MTMR14: variants seen among roughly 807,000 people sequenced by gnomAD.
The protein encoded by MTMR14 is myotubularin related protein 14.
MTMR14 carries 48 observed loss-of-function variants against 86.3 expected under a neutral mutation model. The ratio of observed to expected loss-of-function variants is 0.56; its 90% confidence interval spans 0.44 to 0.71. The LOEUF (loss-of-function observed/expected upper bound fraction) is 0.71, where lower values mean the gene tolerates loss of function less well. MTMR14 is among the 30% of genes least tolerant of loss of function. MTMR14 has a pLI of 0.00. For missense variants in MTMR14, 780 were observed against 834.6 expected (o/e 0.93, Z 0.81); for synonymous variants, 366 against 326.1 (o/e 1.12, Z -1.32).
At chr3:9,668,621 T>TA in intron 3 of MTMR14, 98 bp from the exon 4 acceptor site, 22 of 1,311,578 alleles carry the variant, frequency 1.7e-5, no homozygotes, top group Non-Finnish European at 2.3e-5. Context: ...CTGGGCCCGT[T>TA]ATGCTGGCCT....
intron 14 of MTMR14, 134 bp downstream of exon 14, chr3:9,688,025 C>T (rs560708913): frequency 3.2e-5 from 25 of 784,130 alleles, no homozygotes; most frequent in Middle Eastern, 3.5e-4. Context: ...CTCCTGCCTT[C>T]GCTCTGAGGC....
chr3:9,661,161 A>G (rs769984507), intron 2 of MTMR14, among the ~76,000 whole-genome samples: 1 of 152,226 alleles, frequency 6.6e-6, no homozygotes, highest in African/African-American at 2.4e-5. Flanking sequence ...GTGAAAGCAG[A>G]GGCCTAGAGC....
chr3:9,677,469 G>A lies in MTMR14; in HGVS notation c.822+82G>A, dbSNP rs2075621288. 99 of 1,258,242 alleles carry A rather than the reference G, an allele frequency of 7.9e-5. No homozygotes were observed. In the South Asian group the frequency reaches 1.2e-3, roughly 15 times the overall value. The allele number at this position is 1,258,242 out of a possible 1,614,324, so 77.9% of individuals were successfully genotyped here. On this transcript the variant is annotated intron_variant, in intron 8 of 18. Transcript: ENST00000296003. The surrounding 1 kb of genome is among the most constrained non-coding windows in gnomAD (Gnocchi z 4.2). ...AGGAGAACAACAAGCAGTCTTTGGG[G>A]AAAACAACAAGCAGTCTTTGGGGAA...
chr3:9,658,691 T>C (rs960068613), intron 2 of MTMR14, among the ~76,000 whole-genome samples: 1 of 152,186 alleles, frequency 6.6e-6, no homozygotes, highest in Non-Finnish European at 1.5e-5. Flanking sequence ...ATCTGTAAAA[T>C]TGGGTAAGTG....
chr3:9,668,851 C>A, intron 4 of MTMR14, 57 bp downstream of exon 4: 3 of 1,576,566 alleles, frequency 1.9e-6, no homozygotes, highest in Non-Finnish European at 1.7e-6. Flanking sequence ...TAGAGAATAG[C>A]TACCCGGGCC....
intron 9 of MTMR14, among the ~76,000 whole-genome samples, chr3:9,679,826 ACTGAAACTTCCAGGCG>A (rs2075700881): frequency 2.0e-5 from 3 of 152,226 alleles, no homozygotes; most frequent in African/African-American, 7.2e-5. Context: ...GGAAGTGAAC[ACTGAAACTTCCAGGCG>A]TGAAGGCAGC....
Position 9,669,418 on chromosome 3 carries a change from G to A in MTMR14, c.494-14G>A, listed in dbSNP as rs747487349. The A allele has an allele frequency of 1.2e-6, 2 of 1,613,698 alleles. No individual in the cohort carries two copies. Among genetic ancestry groups the A allele is most frequent in the Non-Finnish European group, 8.5e-7 (1 of 1,179,760 alleles). On this transcript the variant is annotated splice_polypyrimidine_tract_variant and intron_variant, in intron 4 of 18. Transcript: ENST00000296003. ...TCACCAGCCTCAGTACTGACAGATA[G>A]GTTTCTCTGGCAGGGGGTGCAGATG...
intron 2 of MTMR14, among the ~76,000 whole-genome samples, chr3:9,656,733 C>T (rs1275407840): frequency 6.6e-6 from 1 of 151,738 alleles, no homozygotes; most frequent in Admixed American, 6.6e-5. Flanking sequence ...AACTTAGTTT[C>T]CGTAAATCTT....
intron 1 of MTMR14, among the ~76,000 whole-genome samples, chr3:9,652,765 G>A (rs1268612214): frequency 1.1e-4 from 17 of 151,376 alleles, no homozygotes; most frequent in East Asian, 7.7e-4. Context: ...TGAGGCGGGC[G>A]GATCACTTGA....
chr3:9,659,678 A>G (rs1043377100), intron 2 of MTMR14: 9 of 454,824 alleles, frequency 2.0e-5, no homozygotes, highest in Admixed American at 1.2e-4. Context: ...TCCTGACCTC[A>G]GGTGATCTGC....
rs552932134 is a variant in MTMR14 at position 9,694,183 on chromosome 3, A to C, written c.1614-3528A>C. Among the ~76,000 whole-genome samples the C allele has an allele frequency of 2.6e-5, 4 of 152,312 alleles. 1 individual carries two copies. Among genetic ancestry groups the C allele is most frequent in the African/African-American group, 9.6e-5 (4 of 41,570 alleles). On this transcript the variant is annotated intron_variant, in intron 17 of 18. Coordinates refer to ENST00000296003, the MANE Select transcript of MTMR14 (RefSeq NM_001077525.3). ...CCACCCCTTATCAGGAAGAAAGATG[A>C]GTATATTATCAGCAAGGGCTTTGGT...
chr3:9,676,932 G>C (rs1184618037), intron 7 of MTMR14, among the ~76,000 whole-genome samples: 5 of 152,212 alleles, frequency 3.3e-5, no homozygotes, highest in Admixed American at 2.0e-4. Context: ...ATCCTCTGCA[G>C]CTAGGCTGCA....
intron 17 of MTMR14, among the ~76,000 whole-genome samples, chr3:9,696,086 G>A (rs893444909): frequency 6.6e-6 from 1 of 152,230 alleles, no homozygotes; most frequent in Non-Finnish European, 1.5e-5. Context: ...AATGTGACAA[G>A]TCTGTATGTT....
chr3:9,702,258 GGC>G lies in MTMR14; in HGVS notation c.*286_*287del. 2.0e-6 allele frequency: 1 copy of G among 503,516 alleles called. No individual in the cohort carries two copies. The highest frequency in any genetic ancestry group is 3.6e-6 in the Non-Finnish European group (1 of 276,190). The allele number at this position is 503,516 out of a possible 1,614,324, so 31.2% of individuals were successfully genotyped here. The stretch of plus-strand genomic sequence containing the variant: ...TCAGAACTGTGTGGGGTTTCCCTGG[GGC>G]CTTGTGGAAGCCATGACTTCACAAA... On this transcript the variant is annotated 3_prime_UTR_variant, in exon 19 of 19. Transcript: ENST00000296003.
At chr3:9,685,748 C>G (rs2075923451) in intron 13 of MTMR14, among the ~76,000 whole-genome samples, 1 of 152,132 alleles carries the variant, frequency 6.6e-6, no homozygotes, top group Admixed American at 6.5e-5. Context: ...CTTCCTCTTC[C>G]AATGTGCTCA....
intron 6 of MTMR14, 120 bp downstream of exon 6, chr3:9,671,290 A>G (rs1298734565): frequency 2.2e-6 from 3 of 1,347,628 alleles, no homozygotes; most frequent in Middle Eastern, 2.3e-4. Flanking sequence ...TCTGTACATT[A>G]TCTCACTGTA....
At position 9,667,751 on chromosome 3, in the gene MTMR14, C is replaced by T. The variant is rs1015887178; in HGVS notation, c.418-968C>T. On this transcript the variant is annotated intron_variant, in intron 3 of 18. Transcript: ENST00000296003. ...CCAGAAAGTGACCTAGTCGTTCCCACGCACAACTCTTTGCTGTAGCAGCAA... is the reference window on the plus strand; with the variant it reads ...CCAGAAAGTGACCTAGTCGTTCCCATGCACAACTCTTTGCTGTAGCAGCAA... Among the ~76,000 whole-genome samples, 5 of 152,206 alleles carry T rather than the reference C, an allele frequency of 3.3e-5. No individual in the cohort carries two copies. In the East Asian group the frequency reaches 5.8e-4, roughly 18 times the overall value.
chr3:9,662,423 A>C, intron 3 of MTMR14, 48 bp downstream of exon 3: 2 of 1,519,488 alleles, frequency 1.3e-6, no homozygotes, highest in Non-Finnish European at 1.8e-6. Flanking sequence ...CTTCTGGGGT[A>C]GCTGACTTAC....
chr3:9,670,050 A>T (rs1367993654), intron 5 of MTMR14, among the ~76,000 whole-genome samples: 1 of 152,158 alleles, frequency 6.6e-6, no homozygotes, highest in African/African-American at 2.4e-5. Context: ...GCTGGTTCAC[A>T]CTCTTGCTAT....
Sources: allele counts gnomAD v4.1 joint callset (sites outside exome capture counted in the v4.1 genomes callset), GRCh38; gene constraint gnomAD v4.1.1; non-coding constraint Gnocchi (gnomAD v3.1); transcripts MANE v1.5; gene names NCBI Gene and HGNC (gene_info 2026-07-23, HGNC 2026-07-21).